The following MTUS1 variants were observed in gnomAD, a reference collection of about 807,000 sequenced individuals.
MTUS1 encodes the protein microtubule-associated tumor suppressor 1.
Under a neutral mutation model 120.8 loss-of-function variants are expected in MTUS1, and 109 were observed. The observed-to-expected ratio is 0.90, with a 90% CI of 0.77 to 1.06. The LOEUF (loss-of-function observed/expected upper bound fraction) is 1.06, where lower values mean the gene tolerates loss of function less well. MTUS1 is among the 50% of genes least tolerant of loss of function. The pLI, the probability that MTUS1 is intolerant of heterozygous loss-of-function variation, is 0.00. For synonymous variants in MTUS1, 737 were observed against 550.5 expected (o/e 1.34, Z -4.74); for missense variants, 2,210 against 1,486.3 (o/e 1.49, Z -8.01).
chr8:17,704,802 A>G (rs191481453), intron 6 of MTUS1, among the ~76,000 whole-genome samples: 55 of 152,268 alleles, frequency 3.6e-4, no homozygotes, highest in African/African-American at 1.2e-3. Context: ...CTTTAAAAAA[A>G]TGACACTGGG....
chr8:17,685,684 G>A (rs753589726), intron 6 of MTUS1, among the ~76,000 whole-genome samples: 13 of 112,030 alleles, frequency 1.2e-4, no homozygotes, highest in Non-Finnish European at 2.6e-4. Flanking sequence ...AATAAACTAA[G>A]TTAAAAACAG....
At chr8:17,666,772 G>C (rs572281104) in intron 8 of MTUS1, among the ~76,000 whole-genome samples, 1 of 152,166 alleles carries the variant, frequency 6.6e-6, no homozygotes, top group African/African-American at 2.4e-5. Context: ...CATCTTTTTA[G>C]AAGTGCTGCC....
intron 1 of MTUS1, among the ~76,000 whole-genome samples, chr8:17,798,892 C>G (rs2052466101): frequency 6.6e-6 from 1 of 152,166 alleles, no homozygotes; most frequent in Non-Finnish European, 1.5e-5. Flanking sequence ...GGAGAAAAAT[C>G]TGGCACTACA....
intron 1 of MTUS1, among the ~76,000 whole-genome samples, chr8:17,778,651 A>G (rs1477219513): frequency 1.3e-5 from 2 of 152,024 alleles, no homozygotes; most frequent in Admixed American, 1.3e-4. Context: ...CTACCAAAAA[A>G]TCCAAAAATT....
At chr8:17,715,744 T>G (rs200455360) in intron 5 of MTUS1, 23 bp downstream of exon 5, 109 of 1,588,638 alleles carry the variant, frequency 6.9e-5, no homozygotes, top group Non-Finnish European at 8.9e-5. Context: ...CCCTCCCTCT[T>G]CAAACCACAA....
intron 3 of MTUS1, among the ~76,000 whole-genome samples, chr8:17,730,930 A>G (rs1240343207): frequency 6.6e-6 from 1 of 152,222 alleles, no homozygotes; most frequent in Non-Finnish European, 1.5e-5. Flanking sequence ...ACTTAATGCC[A>G]CAGAGCTGTA....
At position 17,766,877 on chromosome 8, in the gene MTUS1, T is replaced by C. The variant is rs147822142; in HGVS notation, c.-154-10916A>G. Among the ~76,000 whole-genome samples the C allele has an allele frequency of 3.1e-4, 47 of 152,252 alleles. 1 individual carries two copies. Among genetic ancestry groups the C allele is most frequent in the Non-Finnish European group, 4.9e-4 (33 of 68,036 alleles). ...AGTATATTTTAAAATATGATCTTTC[T>C]TTTAATCATATTTTAAAGTATGATA... On this transcript the variant is annotated intron_variant, in intron 1 of 14. Coordinates refer to ENST00000693296, the MANE Select transcript of MTUS1 (RefSeq NM_001363059.2).
At chr8:17,715,932 G>A in intron 4 of MTUS1, 31 bp from the exon 5 acceptor site, 2 of 1,594,954 alleles carry the variant, frequency 1.3e-6, no homozygotes, top group Non-Finnish European at 1.7e-6. Context: ...ACATTTTATT[G>A]TATAGATAAA....
chr8:17,792,382 A>G (rs1309443893), intron 1 of MTUS1, among the ~76,000 whole-genome samples: 2 of 152,242 alleles, frequency 1.3e-5, no homozygotes, highest in African/African-American at 4.8e-5. Context: ...GTTCAGCCTA[A>G]TAAGCTGTAA....
intron 3 of MTUS1, among the ~76,000 whole-genome samples, chr8:17,740,900 T>C (rs1395308795): frequency 1.3e-5 from 2 of 152,146 alleles, no homozygotes; most frequent in Non-Finnish European, 2.9e-5. Context: ...AGTTTCGCTC[T>C]TGCTACCCAG....
At chr8:17,763,546 A>T (rs2049212953) in intron 1 of MTUS1, among the ~76,000 whole-genome samples, 1 of 152,150 alleles carries the variant, frequency 6.6e-6, no homozygotes, top group African/African-American at 2.4e-5. Flanking sequence ...TTTAGTGAGA[A>T]TTAGCTGCAC....
rs763234549 is a variant in MTUS1 at position 17,754,158 on chromosome 8, T to C, written c.1650A>G (p.Gln550=). Residue 550 remains glutamine (Q), a synonymous_variant, in exon 2 of 15, where the codon CAA becomes CAG. Coordinates refer to ENST00000693296, the MANE Select transcript of MTUS1 (RefSeq NM_001363059.2). ...SSPSSVNSRQ[Q]TVLSRTPRSD... is the part of the protein sequence containing the mutation. ...ATCTCGGTGTTCTGCTCAAGACTGT[T>C]TGTTGTCTTGAATTCACTGATGAGG... 6 of 1,613,460 alleles carry C rather than the reference T, an allele frequency of 3.7e-6. No homozygotes were observed. The highest frequency in any genetic ancestry group is 2.7e-5 in the African/African-American group (2 of 74,900).
At position 17,755,553 on chromosome 8, in the gene MTUS1, A is replaced by G; in HGVS notation, c.255T>C (p.Ser85=). The G allele has an allele frequency of 6.2e-7, 1 of 1,614,234 alleles. No homozygotes were observed. The highest frequency in any genetic ancestry group is 8.5e-7 in the Non-Finnish European group (1 of 1,180,036). Residue 85 remains serine (S), a synonymous_variant, in exon 2 of 15, where the codon TCT becomes TCC. Transcript: ENST00000693296. ...QGVEVFGHEK[S]SSDFISKQVL... is the part of the protein sequence containing the mutation. ...CCTGCTTACTAATGAAATCACTAGA[A>G]GACTTTTCATGACCAAATACTTCAA...
chr8:17,760,639 G>C (rs2048969805), intron 1 of MTUS1, among the ~76,000 whole-genome samples: 1 of 152,094 alleles, frequency 6.6e-6, no homozygotes, highest in Non-Finnish European at 1.5e-5. Context: ...TGCACCACTT[G>C]CTCGACATAT....
At chr8:17,725,994 G>C (rs1301613225) in intron 3 of MTUS1, among the ~76,000 whole-genome samples, 2 of 152,018 alleles carry the variant, frequency 1.3e-5, no homozygotes, top group African/African-American at 2.4e-5. Context: ...TCCCCCTCAG[G>C]CCATGCCTCT....
chr8:17,662,184 T>C (rs952305441), intron 8 of MTUS1, among the ~76,000 whole-genome samples: 2 of 152,032 alleles, frequency 1.3e-5, no homozygotes, highest in African/African-American at 4.8e-5. Flanking sequence ...TAGTCTCTTC[T>C]TGCTCATTCT....
intron 6 of MTUS1, among the ~76,000 whole-genome samples, chr8:17,701,156 T>G (rs1250017383): frequency 1.3e-5 from 2 of 152,194 alleles, no homozygotes; most frequent in African/African-American, 4.8e-5. Context: ...CAATCTTCCT[T>G]AGCCTAATAT....
intron 6 of MTUS1, among the ~76,000 whole-genome samples, chr8:17,708,550 A>G (rs1820615866): frequency 6.6e-6 from 1 of 152,218 alleles, no homozygotes; most frequent in Non-Finnish European, 1.5e-5. Flanking sequence ...AGGTTTCTTA[A>G]ACTGTTAAAC....
intron 1 of MTUS1, among the ~76,000 whole-genome samples, chr8:17,757,307 T>A (rs2048698550): frequency 6.6e-6 from 1 of 152,188 alleles, no homozygotes; most frequent in Non-Finnish European, 1.5e-5. Flanking sequence ...GTCATGAAAG[T>A]CTACATACTA....
Sources: gnomAD v4.1 joint callset for allele counts (sites outside exome capture counted in the v4.1 genomes callset) on GRCh38, gnomAD v4.1.1 for gene constraint, MANE v1.5 for transcripts, NCBI Gene and HGNC (gene_info 2026-07-23, HGNC 2026-07-21) for gene names.